Variants in CTNNA3 observed in about 807,000 individuals in gnomAD.
The protein encoded by CTNNA3 is catenin alpha 3, also known as catenin alpha-3.
In CTNNA3, 76 loss-of-function variants were observed where a neutral mutation model predicts 95.7. The observed-to-expected ratio is 0.79, with a 90% confidence interval of 0.66 to 0.96. The LOEUF (loss-of-function observed/expected upper bound fraction) is 0.96, where lower values mean the gene tolerates loss of function less well. Among genes scored for constraint, CTNNA3 ranks in the 40% least tolerant of loss-of-function variants. CTNNA3 has a pLI of 0.00. For missense variants in CTNNA3, 1,191 were observed against 1,089.8 expected (o/e 1.09, Z -1.31); for synonymous variants, 431 against 374.4 (o/e 1.15, Z -1.74).
At chr10:67,354,973 T>C (rs1842761444) in intron 5 of CTNNA3, among the ~76,000 whole-genome samples, 1 of 152,002 alleles carries the variant, frequency 6.6e-6, no homozygotes, top group Admixed American at 6.6e-5. Flanking sequence ...ATGAAAATTC[T>C]AGACCCATAA....
Position 67,116,767 on chromosome 10 carries a change from TTTTG to T in CTNNA3, c.1047+63546_1047+63549del, listed in dbSNP as rs1293634813. Among the ~76,000 whole-genome samples, 166 of 148,588 alleles carry T rather than the reference TTTTG, an allele frequency of 1.1e-3. 3 individuals carry two copies. The highest frequency in any genetic ancestry group is 3.7e-3 in the African/African-American group (150 of 40,862). The stretch of plus-strand genomic sequence containing the variant: ...ATAATATATAAAATATGCTTTATGA[TTTTG>T]TTTATGTGATTTAAGTAGATCTATG... On this transcript the variant is annotated intron_variant, in intron 7 of 17. Transcript: ENST00000433211.
In CTNNA3 at chr10:67,185,191, C is replaced by T. The variant is rs148776993; in HGVS notation, c.844-4671G>A. Among the ~76,000 whole-genome samples the T allele has an allele frequency of 1.3e-3, 195 of 151,958 alleles. 2 individuals are homozygous for T. The highest frequency in any genetic ancestry group is 4.6e-3 in the African/African-American group (190 of 41,454). Reference sequence around the variant, plus strand: ...GTTGCCAGGCTTGAGTGCAGTGGCGCGATCTCGGCTCACTGCAACCTCTAC... The same window carrying T: ...GTTGCCAGGCTTGAGTGCAGTGGCGTGATCTCGGCTCACTGCAACCTCTAC... On this transcript the variant is annotated intron_variant, in intron 6 of 17. Transcript: ENST00000433211.
chr10:67,478,553 A>G (rs1207597012), intron 5 of CTNNA3, among the ~76,000 whole-genome samples: 1 of 152,208 alleles, frequency 6.6e-6, no homozygotes, highest in Admixed American at 6.5e-5. Context: ...GAAAGAAAAA[A>G]TAAAATCTTG....
chr10:67,067,084 G>A (rs1856136446), intron 7 of CTNNA3, among the ~76,000 whole-genome samples: 1 of 152,068 alleles, frequency 6.6e-6, no homozygotes. Context: ...GTATATTTGT[G>A]TGATCTGGAT....
intron 15 of CTNNA3, among the ~76,000 whole-genome samples, chr10:66,063,708 T>A (rs1477748130): frequency 6.6e-6 from 1 of 152,136 alleles, no homozygotes; most frequent in Non-Finnish European, 1.5e-5. Context: ...TAAATTTTCA[T>A]TTTATTCTCA....
intron 7 of CTNNA3, among the ~76,000 whole-genome samples, chr10:66,834,467 T>C (rs1842826076): frequency 6.6e-6 from 1 of 152,228 alleles, no homozygotes; most frequent in Admixed American, 6.5e-5. Context: ...ACAGTACAGA[T>C]GCCATCATTT....
intron 5 of CTNNA3, among the ~76,000 whole-genome samples, chr10:67,313,070 C>A (rs1469516197): frequency 6.6e-6 from 1 of 152,032 alleles, no homozygotes; most frequent in Admixed American, 6.5e-5. Flanking sequence ...CCAATAAATG[C>A]ACATCTATTA....
intron 3 of CTNNA3, among the ~76,000 whole-genome samples, chr10:67,562,001 C>A (rs1216264472): frequency 6.6e-6 from 1 of 152,126 alleles, no homozygotes; most frequent in Non-Finnish European, 1.5e-5. Context: ...TAATCAATAG[C>A]TTACCAACCA....
chr10:67,040,057 C>T (rs1309971980), intron 7 of CTNNA3, among the ~76,000 whole-genome samples: 1 of 152,106 alleles, frequency 6.6e-6, no homozygotes, highest in Non-Finnish European at 1.5e-5. Context: ...CCATTCATCT[C>T]TCTCTTTTTT....
At chr10:66,601,383 T>C (rs1843917566) in intron 10 of CTNNA3, among the ~76,000 whole-genome samples, 1 of 151,988 alleles carries the variant, frequency 6.6e-6, no homozygotes, top group African/African-American at 2.4e-5. Flanking sequence ...TATTTCTGCA[T>C]AAGCATGACA....
chr10:67,560,274 C>G (rs1841454372), intron 3 of CTNNA3, among the ~76,000 whole-genome samples: 1 of 151,226 alleles, frequency 6.6e-6, no homozygotes, highest in African/African-American at 2.4e-5. Flanking sequence ...GCCCAGCAGA[C>G]TAACAGCGGA....
At chr10:67,145,134 A>C (rs994063619) in intron 7 of CTNNA3, among the ~76,000 whole-genome samples, 5 of 152,186 alleles carry the variant, frequency 3.3e-5, no homozygotes, top group African/African-American at 1.2e-4. Flanking sequence ...AATTAAGTTT[A>C]CTGTCCCCCA....
chr10:67,208,093 C>T (rs967501691), intron 6 of CTNNA3, among the ~76,000 whole-genome samples: 1 of 152,064 alleles, frequency 6.6e-6, no homozygotes, highest in African/African-American at 2.4e-5. Flanking sequence ...AACAGCCAGG[C>T]CAGGCGCGGT....
At chr10:66,866,564 A>G (rs929773912) in intron 7 of CTNNA3, among the ~76,000 whole-genome samples, 6 of 152,196 alleles carry the variant, frequency 3.9e-5, no homozygotes, top group Admixed American at 3.9e-4. Flanking sequence ...ATTGAGACTT[A>G]ATATTTGAAA....
At chr10:67,562,561 C>G (rs1027593201) in intron 3 of CTNNA3, among the ~76,000 whole-genome samples, 19 of 152,164 alleles carry the variant, frequency 1.2e-4, no homozygotes, top group Non-Finnish European at 5.9e-5. Context: ...TGGAAGCATT[C>G]CCTTTGAAAA....
At chr10:67,178,921 G>A (rs938166610) in intron 7 of CTNNA3, among the ~76,000 whole-genome samples, 22 of 151,514 alleles carry the variant, frequency 1.5e-4, no homozygotes, top group African/African-American at 4.9e-4. Context: ...TCTAGGACAT[G>A]ACAATACTAA....
chr10:66,258,635 G>T (rs1022648497), intron 13 of CTNNA3, among the ~76,000 whole-genome samples: 4 of 152,060 alleles, frequency 2.6e-5, no homozygotes, highest in African/African-American at 9.7e-5. Flanking sequence ...TTTTGAGAGT[G>T]AGCCTAAGAT....
At chr10:67,206,684 C>A (rs899392310) in intron 6 of CTNNA3, among the ~76,000 whole-genome samples, 1 of 151,338 alleles carries the variant, frequency 6.6e-6, no homozygotes, top group African/African-American at 2.4e-5. Flanking sequence ...TTAAGAGTTT[C>A]CAACAGGACT....
chr10:67,416,573 A>G (rs1845551669), intron 5 of CTNNA3, among the ~76,000 whole-genome samples: 1 of 139,482 alleles, frequency 7.2e-6, no homozygotes, highest in Non-Finnish European at 1.5e-5. Context: ...GCGCCACTGC[A>G]CTCCAGCCTG....
Sources: gnomAD v4.1 joint callset for allele counts (sites outside exome capture counted in the v4.1 genomes callset) on GRCh38, gnomAD v4.1.1 for gene constraint, MANE v1.5 for transcripts, NCBI Gene and HGNC (gene_info 2026-07-23, HGNC 2026-07-21) for gene names.